PRKG1: variants seen among roughly 807,000 people sequenced by gnomAD.
PRKG1 encodes the protein protein kinase cGMP-dependent 1, also known as cGMP-dependent protein kinase 1.
Under a neutral mutation model 88.1 loss-of-function variants are expected in PRKG1, and 35 were observed. That is an observed-to-expected ratio of 0.40 (90% confidence interval 0.30 to 0.53). The LOEUF (loss-of-function observed/expected upper bound fraction) is 0.53, where lower values mean the gene tolerates loss of function less well. Ranked by LOEUF, PRKG1 falls within the 20% of genes least tolerant of loss-of-function variation. The probability of loss-of-function intolerance (pLI) is 0.59; values close to 1 mark genes in which losing one functional copy is unlikely to be tolerated. For missense variants in PRKG1, 540 were observed against 839.8 expected (o/e 0.64, Z 4.41); for synonymous variants, 303 against 292.5 (o/e 1.04, Z -0.37).
chr10:52,223,141 C>T (rs1483108277), intron 9 of PRKG1, among the ~76,000 whole-genome samples: 1 of 152,112 alleles, frequency 6.6e-6, no homozygotes, highest in South Asian at 2.1e-4. Flanking sequence ...CACTTTATCT[C>T]CATATCCCTG....
At chr10:52,057,743 A>AT (rs1161371528) in intron 6 of PRKG1, among the ~76,000 whole-genome samples, 1 of 152,174 alleles carries the variant, frequency 6.6e-6, no homozygotes, top group Non-Finnish European at 1.5e-5. Context: ...GTTAACAAGT[A>AT]TTTAAACATG....
chr10:51,133,579 G>T (rs913173551), intron 1 of PRKG1, among the ~76,000 whole-genome samples: 1 of 152,204 alleles, frequency 6.6e-6, no homozygotes, highest in African/African-American at 2.4e-5. Flanking sequence ...CCACTCTGCT[G>T]GGCTGCTGTC....
At chr10:51,719,996 G>A (rs1841973657) in intron 3 of PRKG1, among the ~76,000 whole-genome samples, 1 of 152,056 alleles carries the variant, frequency 6.6e-6, no homozygotes. Flanking sequence ...GCTGGGAAGG[G>A]TACATATTTG....
At chr10:52,292,793 C>T (rs996257601) in intron 17 of PRKG1, among the ~76,000 whole-genome samples, 15 of 151,858 alleles carry the variant, frequency 9.9e-5, no homozygotes, top group African/African-American at 2.4e-4. Flanking sequence ...GACAAACCCA[C>T]AGCCAATATC....
At chr10:51,812,386 A>G (rs916644149) in intron 4 of PRKG1, among the ~76,000 whole-genome samples, 11 of 152,164 alleles carry the variant, frequency 7.2e-5, no homozygotes, top group Admixed American at 2.0e-4. Context: ...CTTTTGAAAC[A>G]CTGGTTGTGC....
At chr10:51,887,180 T>TCG (rs1172254137) in intron 4 of PRKG1, among the ~76,000 whole-genome samples, 3 of 152,172 alleles carry the variant, frequency 2.0e-5, no homozygotes, top group African/African-American at 7.2e-5. Context: ...AGACAGGGTT[T>TCG]CGCCATATTG....
intron 7 of PRKG1, among the ~76,000 whole-genome samples, chr10:52,067,413 T>TGAG (rs1846380410): frequency 6.6e-6 from 1 of 152,212 alleles, no homozygotes; most frequent in Non-Finnish European, 1.5e-5. Context: ...TTTTTAAATT[T>TGAG]GAGAGTGCAT....
intron 2 of PRKG1, among the ~76,000 whole-genome samples, chr10:51,307,681 T>A (rs1443250404): frequency 6.6e-6 from 1 of 152,178 alleles, no homozygotes; most frequent in Non-Finnish European, 1.5e-5. Context: ...ATGTACTTTA[T>A]GACAGTTAAT....
intron 3 of PRKG1, among the ~76,000 whole-genome samples, chr10:51,468,236 T>C (rs944191954): frequency 1.3e-5 from 2 of 151,914 alleles, no homozygotes; most frequent in African/African-American, 4.8e-5. Flanking sequence ...GTTTACTCAG[T>C]GGTTTAGAAA....
intron 1 of PRKG1, among the ~76,000 whole-genome samples, chr10:51,133,504 T>C (rs1253429280): frequency 6.6e-6 from 1 of 152,196 alleles, no homozygotes; most frequent in Non-Finnish European, 1.5e-5. Flanking sequence ...AGATAAGCTA[T>C]GGAATCATGG....
intron 3 of PRKG1, among the ~76,000 whole-genome samples, chr10:51,499,407 G>A (rs1042846708): frequency 4.6e-5 from 7 of 152,128 alleles, no homozygotes; most frequent in African/African-American, 1.7e-4. Flanking sequence ...TTGATGAGAG[G>A]CACTCAGAAA....
At chr10:51,487,529 C>T (rs1840583578) in intron 3 of PRKG1, among the ~76,000 whole-genome samples, 1 of 152,038 alleles carries the variant, frequency 6.6e-6, no homozygotes, top group South Asian at 2.1e-4. Flanking sequence ...CCCCAGAAGC[C>T]CCACCTGGTG....
Position 51,232,815 on chromosome 10 carries a change from C to T in PRKG1, c.478+79485C>T, listed in dbSNP as rs112067062. Reference sequence around the variant, plus strand: ...CAGCTCCTTCAATAGAATCAACCTGCCCCTACCTTGGCTCCTAGAAGTGTC... The same window carrying T: ...CAGCTCCTTCAATAGAATCAACCTGTCCCTACCTTGGCTCCTAGAAGTGTC... On this transcript the variant is annotated intron_variant, in intron 2 of 17. Coordinates refer to ENST00000373980, the MANE Select transcript of PRKG1 (RefSeq NM_006258.4). Among the ~76,000 whole-genome samples, 903 of 152,282 alleles carry T rather than the reference C, an allele frequency of 5.9e-3. 4 individuals carry two copies. The highest frequency in any genetic ancestry group is 0.02 in the African/African-American group (848 of 41,558).
intron 2 of PRKG1, among the ~76,000 whole-genome samples, chr10:51,257,253 A>G (rs919553745): frequency 3.3e-5 from 5 of 151,264 alleles, no homozygotes; most frequent in African/African-American, 1.2e-4. Context: ...AGAGATGCCC[A>G]TCAGACAGCT....
At chr10:52,287,552 G>A (rs1023812470) in intron 14 of PRKG1, among the ~76,000 whole-genome samples, 2 of 151,956 alleles carry the variant, frequency 1.3e-5, no homozygotes, top group East Asian at 1.9e-4. Context: ...GTATTAAAGA[G>A]AGTAATTAAT....
In PRKG1 at chr10:51,228,308, G is replaced by A. The variant is rs189576716; in HGVS notation, c.478+74978G>A. Among the ~76,000 whole-genome samples, 207 of 152,272 alleles carry A rather than the reference G, an allele frequency of 1.4e-3. 2 individuals carry two copies. Among genetic ancestry groups the A allele is most frequent in the South Asian group, 7.5e-3 (36 of 4,830 alleles). On this transcript the variant is annotated intron_variant, in intron 2 of 17. Transcript: ENST00000373980. ...TGTTCAGAGAAGCTGAGGTTATGGGGCAAGTGACAGGTCTCTTTTCTGAGG... is the reference window on the plus strand; with the variant it reads ...TGTTCAGAGAAGCTGAGGTTATGGGACAAGTGACAGGTCTCTTTTCTGAGG...
rs1426487177 is a variant in PRKG1 at position 51,975,629 on chromosome 10, G to A, written c.762+68059G>A. 3.9e-5 allele frequency among the ~76,000 whole-genome samples: 6 copies of A among 152,190 alleles called. No individual in the cohort carries two copies. In the East Asian group the frequency reaches 9.6e-4, roughly 24 times the overall value. On this transcript the variant is annotated intron_variant, in intron 5 of 17. Transcript: ENST00000373980. The stretch of plus-strand genomic sequence containing the variant: ...AAGTATGTTGTTTTGATGAAATTAT[G>A]CAGAAGGTTAATTCATGTGTTTTCT...
chr10:51,990,749 C>T (rs1191736445), intron 5 of PRKG1, among the ~76,000 whole-genome samples: 1 of 152,040 alleles, frequency 6.6e-6, no homozygotes, highest in East Asian at 1.9e-4. Context: ...GCTCCAGTGT[C>T]TGTTGTTCCT....
chr10:51,554,021 T>C (rs543289723), intron 3 of PRKG1, among the ~76,000 whole-genome samples: 1 of 141,506 alleles, frequency 7.1e-6, no homozygotes, highest in African/African-American at 2.8e-5. Context: ...TATGTGCGTA[T>C]GTGATACGTG....
Sources: gnomAD v4.1 joint callset for allele counts (sites outside exome capture counted in the v4.1 genomes callset) on GRCh38, gnomAD v4.1.1 for gene constraint, MANE v1.5 for transcripts, NCBI Gene and HGNC (gene_info 2026-07-23, HGNC 2026-07-21) for gene names.